ATXN7L1: variants seen among roughly 807,000 people sequenced by gnomAD.
ATXN7L1 encodes the protein ataxin 7 like 1.
Under a neutral mutation model 70.8 loss-of-function variants are expected in ATXN7L1, and 15 were observed. The observed-to-expected ratio is 0.21, with a 90% confidence interval of 0.14 to 0.33. The LOEUF (loss-of-function observed/expected upper bound fraction) is 0.33. ATXN7L1 is among the 10% of genes least tolerant of loss of function. The probability of loss-of-function intolerance (pLI) is 1.00; values close to 1 mark genes in which losing one functional copy is unlikely to be tolerated. For synonymous variants in ATXN7L1, 440 were observed against 445.1 expected (o/e 0.99, Z 0.14); for missense variants, 975 against 1,097.1 (o/e 0.89, Z 1.57).
At chr7:105,646,296 A>T (rs1799010070) in intron 4 of ATXN7L1, among the ~76,000 whole-genome samples, 1 of 149,844 alleles carries the variant, frequency 6.7e-6, no homozygotes, top group African/African-American at 2.5e-5. Flanking sequence ...CCCTGTCTCA[A>T]CTCCCCCCTG....
intron 3 of ATXN7L1, among the ~76,000 whole-genome samples, chr7:105,745,337 T>C (rs1282669532): frequency 6.6e-6 from 1 of 152,056 alleles, no homozygotes; most frequent in Non-Finnish European, 1.5e-5. Flanking sequence ...ATTAACTTCC[T>C]CTCCCCAGAG....
At chr7:105,692,370 TTTCCTTCC>T (rs60485799) in intron 3 of ATXN7L1, among the ~76,000 whole-genome samples, 2,923 of 94,564 alleles carry the variant, frequency 0.031, 70 homozygotes, top group South Asian at 0.055. Context: ...AATTTCTTTC[TTTCCTTCC>T]TTCCTTCCTT....
intron 2 of ATXN7L1, among the ~76,000 whole-genome samples, chr7:105,854,042 T>G (rs1815315251): frequency 1.3e-5 from 2 of 152,090 alleles, no homozygotes; most frequent in Admixed American, 1.3e-4. Context: ...AACATCCCCT[T>G]CATCCTGGCC....
intron 4 of ATXN7L1, among the ~76,000 whole-genome samples, chr7:105,651,330 T>C (rs1006195002): frequency 6.6e-6 from 1 of 152,214 alleles, no homozygotes; most frequent in African/African-American, 2.4e-5. Context: ...CTTAGCATAG[T>C]GCCAGGCACA....
At position 105,820,159 on chromosome 7, in the gene ATXN7L1, TG is replaced by T. The variant is rs755314418; in HGVS notation, c.251-31452del. ...AAAAAAAAAAAAAAAAAAAAAAGCG[TG>T]GGCCTCATTCAGATGTCCTTCACCC... On this transcript the variant is annotated intron_variant, in intron 2 of 11. Coordinates refer to ENST00000419735, the MANE Select transcript of ATXN7L1 (RefSeq NM_020725.2). The T allele has an allele frequency of 8.4e-4, 213 of 252,964 alleles. 1 individual carries two copies. Among genetic ancestry groups the T allele is most frequent in the Middle Eastern group, 1.5e-3 (1 of 660 alleles). The allele number at this position is 252,964 out of a possible 1,614,324, so 15.7% of individuals were successfully genotyped here. A position where few individuals can be genotyped will look rare whatever the true frequency, so the allele number is the denominator to read the frequency against.
rs538183842 is a variant in ATXN7L1 at position 105,766,056 on chromosome 7, C to T, written c.355+22548G>A. ...ACTGTCTGGCTAGACCAGAAACACA[C>T]TCAACCCTTTGGCATAGGCAGGAGG... On this transcript the variant is annotated intron_variant, in intron 3 of 11. Coordinates refer to ENST00000419735, the MANE Select transcript of ATXN7L1 (RefSeq NM_020725.2). Among the ~76,000 whole-genome samples the T allele has an allele frequency of 9.2e-5, 14 of 151,884 alleles. No individual in the cohort carries two copies. The South Asian group carries it at 2.9e-3, about 32-fold the overall frequency.
intron 2 of ATXN7L1, among the ~76,000 whole-genome samples, chr7:105,813,851 C>G (rs895230466): frequency 3.3e-5 from 5 of 152,090 alleles, no homozygotes; most frequent in Admixed American, 2.6e-4. Context: ...ATGTCATTAT[C>G]TGAACCTGAA....
chr7:105,692,424 T>TCCTTCCTTCCTCCCTCCCTCCCTC, intron 3 of ATXN7L1, among the ~76,000 whole-genome samples: 1 of 88,086 alleles, frequency 1.1e-5, no homozygotes, highest in South Asian at 4.1e-4. Context: ...CTTCCTTCCT[T>TCCTTCCTTCCTCCCTCCCTCCCTC]CCTCCCTCCC....
chr7:105,819,860 T>C (rs976909182), intron 2 of ATXN7L1: 2 of 601,130 alleles, frequency 3.3e-6, no homozygotes, highest in Non-Finnish European at 6.4e-6. Flanking sequence ...CCTGCTGCCC[T>C]CAAGGTCATG....
intron 2 of ATXN7L1, among the ~76,000 whole-genome samples, chr7:105,841,719 C>T (rs1481828239): frequency 6.6e-6 from 1 of 152,096 alleles, no homozygotes; most frequent in African/African-American, 2.4e-5. Flanking sequence ...TATAATTGTT[C>T]CATTTTGTTA....
intron 3 of ATXN7L1, among the ~76,000 whole-genome samples, chr7:105,764,792 A>AT (rs201746151): frequency 7.2e-5 from 11 of 151,794 alleles, no homozygotes; most frequent in South Asian, 2.1e-4. Context: ...GCACATCAAA[A>AT]TTTTTTTTTC....
At chr7:105,715,612 T>A (rs1939552) in intron 3 of ATXN7L1, among the ~76,000 whole-genome samples, 4,749 of 152,364 alleles carry the variant, frequency 0.031, 256 homozygotes, top group African/African-American at 0.11. Flanking sequence ...TTGGAGCACA[T>A]GCTCAAATGT....
At chr7:105,616,101 G>A (rs1793853513) in intron 9 of ATXN7L1, among the ~76,000 whole-genome samples, 1 of 152,200 alleles carries the variant, frequency 6.6e-6, no homozygotes, top group South Asian at 2.1e-4. Flanking sequence ...CGGTTTCCCT[G>A]GGAAATCATT....
intron 3 of ATXN7L1, among the ~76,000 whole-genome samples, chr7:105,692,693 C>G (rs1420091497): frequency 6.6e-6 from 1 of 151,070 alleles, no homozygotes; most frequent in Non-Finnish European, 1.5e-5. Flanking sequence ...GCGATCAACC[C>G]GTCTCAGCCT....
chr7:105,708,593 A>G (rs1247748971), intron 3 of ATXN7L1, among the ~76,000 whole-genome samples: 2 of 152,250 alleles, frequency 1.3e-5, no homozygotes, highest in African/African-American at 4.8e-5. Flanking sequence ...GAAATGGGTT[A>G]AAAATGTTGG....
At chr7:105,870,735 G>A (rs1818135336) in intron 2 of ATXN7L1, among the ~76,000 whole-genome samples, 1 of 152,176 alleles carries the variant, frequency 6.6e-6, no homozygotes, top group Admixed American at 6.5e-5. Context: ...TATTTGAAAA[G>A]GTTAGCACAG....
chr7:105,624,423 G>C (rs1303275773), intron 7 of ATXN7L1, among the ~76,000 whole-genome samples, 156 bp from the exon 8 acceptor site: 1 of 152,162 alleles, frequency 6.6e-6, no homozygotes, highest in Non-Finnish European at 1.5e-5. Context: ...AGGCCAAGGC[G>C]GGCAGATGAC....
At chr7:105,816,846 A>ACACTGACCACTGAATTTAGAAATT (rs1241407484) in intron 2 of ATXN7L1, among the ~76,000 whole-genome samples, 4 of 152,266 alleles carry the variant, frequency 2.6e-5, no homozygotes, top group Admixed American at 6.5e-5. Flanking sequence ...GCTGTCACAA[A>ACACTGACCACTGAATTTAGAAATT]CACTGACCAC....
rs575922806 is a variant in ATXN7L1, at chr7:105,742,489, CA to C, written c.355+46114del. On this transcript the variant is annotated intron_variant, in intron 3 of 11. Transcript: ENST00000419735. Reference sequence around the variant, plus strand: ...GTGTACTATGCTTATGCTCATTTTACAGAAGAGAAAACTGAGTGAGACACAT... The same window carrying C: ...GTGTACTATGCTTATGCTCATTTTACGAAGAGAAAACTGAGTGAGACACAT... Among the ~76,000 whole-genome samples the C allele has an allele frequency of 5.3e-5, 8 of 152,222 alleles. No homozygotes were observed. The South Asian group carries it at 1.7e-3, about 32-fold the overall frequency.
Sources: allele counts gnomAD v4.1 joint callset (sites outside exome capture counted in the v4.1 genomes callset), GRCh38; gene constraint gnomAD v4.1.1; transcripts MANE v1.5; gene names NCBI Gene and HGNC (gene_info 2026-07-23, HGNC 2026-07-21).